The following EDEM1 variants were observed in gnomAD, a reference collection of about 807,000 sequenced individuals.
The protein encoded by EDEM1 is ER degradation enhancing alpha-mannosidase like protein 1, also known as ER degradation-enhancing alpha-mannosidase-like protein 1.
In EDEM1, 67 loss-of-function variants were observed where a neutral mutation model predicts 74.4. The observed-to-expected ratio is 0.90, with a 90% CI of 0.74 to 1.10. EDEM1 has a LOEUF of 1.10. EDEM1 is among the 50% of genes least tolerant of loss of function. EDEM1 has a pLI of 0.00. For synonymous variants in EDEM1, 382 were observed against 335.9 expected (o/e 1.14, Z -1.50); for missense variants, 926 against 851.6 (o/e 1.09, Z -1.09).
chr3:5,199,787 T>A, intron 3 of EDEM1, 92 bp downstream of exon 3: 1 of 1,032,622 alleles, frequency 9.7e-7, no homozygotes. Context: ...TGCCACATGA[T>A]CCAGGCAGGG....
chr3:5,210,323 T>G, intron 9 of EDEM1, 75 bp downstream of exon 9: 1 of 1,371,434 alleles, frequency 7.3e-7, no homozygotes, highest in Non-Finnish European at 1.0e-6. Context: ...GGAAATATCC[T>G]AGTTTGCATT....
At position 5,187,995 on chromosome 3, in the gene EDEM1, G is replaced by C. The variant is rs762255204; in HGVS notation, c.190G>C (p.Gly64Arg). Residue 64 changes from glycine (G) to arginine (R), a missense_variant, in exon 1 of 12, where the codon GGG becomes CGG. By Grantham distance (125) the Gly-to-Arg change is moderately radical. Coordinates refer to ENST00000256497, the MANE Select transcript of EDEM1 (RefSeq NM_014674.3). Reference protein sequence around the residue: ...SPTSGPVGRPGGVSGPSWLQP... With the variant: ...SPTSGPVGRPRGVSGPSWLQP... ...CACCTCGGGGCCCGTGGGCCGGCCT[G>C]GGGGGGTATCCGGGCCGTCGTGGCT... The C allele has an allele frequency of 1.5e-5, 23 of 1,514,598 alleles. No individual in the cohort carries two copies. In the East Asian group the frequency reaches 5.3e-4, roughly 35 times the overall value. 93.8% of individuals were successfully genotyped at this position (1,514,598 alleles called of 1,614,324 possible).
intron 1 of EDEM1, among the ~76,000 whole-genome samples, chr3:5,189,768 T>C (rs2054877742): frequency 6.6e-6 from 1 of 152,076 alleles, no homozygotes; most frequent in Non-Finnish European, 1.5e-5. Flanking sequence ...GCCCGGCTAA[T>C]TTTTTGTATT....
intron 1 of EDEM1, 43 bp downstream of exon 1, chr3:5,188,357 C>T (rs2054855378): frequency 1.5e-6 from 2 of 1,369,966 alleles, no homozygotes; most frequent in Non-Finnish European, 9.4e-7. Context: ...CCACGCGCTT[C>T]CTTCCGCCCT....
Position 5,187,952 on chromosome 3 carries a change from C to G in EDEM1, c.147C>G (p.Pro49=), listed in dbSNP as rs1196429621. The G allele has an allele frequency of 6.4e-7, 1 of 1,568,606 alleles. No individual in the cohort carries two copies. Among genetic ancestry groups the G allele is most frequent in the Admixed American group, 1.9e-5 (1 of 54,004 alleles). ...LSFGFQRLRS[P]DGPASPTSGP... ...TCGGCTTCCAGCGTCTGAGGAGCCC[C>G]GACGGCCCCGCGTCGCCCACCTCGG... The change falls in exon 1 of 12, where the codon CCC becomes CCG. Residue 49 remains proline (P), a synonymous_variant. Coordinates refer to ENST00000256497, the MANE Select transcript of EDEM1 (RefSeq NM_014674.3).
At chr3:5,210,500 A>G (rs2055155017) in intron 9 of EDEM1, among the ~76,000 whole-genome samples, 1 of 152,232 alleles carries the variant, frequency 6.6e-6, no homozygotes, top group African/African-American at 2.4e-5. Flanking sequence ...ATATAATAAC[A>G]TATACGCTAA....
At chr3:5,191,737 G>A (rs945961587) in intron 1 of EDEM1, among the ~76,000 whole-genome samples, 4 of 152,166 alleles carry the variant, frequency 2.6e-5, no homozygotes, top group African/African-American at 9.7e-5. Flanking sequence ...ATCAGGTAAG[G>A]AGTTAACATG....
chr3:5,211,056 TTCTTAA>T lies in EDEM1; in HGVS notation c.1584-63_1584-58del, dbSNP rs1170316054. The T allele has an allele frequency of 1.5e-5, 21 of 1,438,048 alleles. No homozygotes were observed. The African/African-American group carries it at 2.8e-4, about 19-fold the overall frequency. The allele number at this position is 1,438,048 out of a possible 1,614,324, so 89.1% of individuals were successfully genotyped here. A position where few individuals can be genotyped will look rare whatever the true frequency, so the allele number is the denominator to read the frequency against. On this transcript the variant is annotated intron_variant, in intron 9 of 11. Transcript: ENST00000256497. The stretch of plus-strand genomic sequence containing the variant: ...TATTCTGATAAGAGAATGTTTCTGC[TTCTTAA>T]GTGAATCAGCAGGTGGGAAGGAAGA...
rs140778954 is a variant in EDEM1 at position 5,187,814 on chromosome 3, G to C, written c.9G>C (p.Trp3Cys). The C allele has an allele frequency of 3.7e-4, 592 of 1,580,486 alleles. No homozygotes were observed. The highest frequency in any genetic ancestry group is 4.9e-4 in the Non-Finnish European group (574 of 1,164,986). Residue 3 changes from tryptophan (W) to cysteine (C), a missense_variant, in exon 1 of 12, where the codon TGG becomes TGC. Physicochemically the swap from Trp to Cys is radical, Grantham distance 215. Coordinates refer to ENST00000256497, the MANE Select transcript of EDEM1 (RefSeq NM_014674.3). ...GCGGCGCCCGCGCGACCATGCAATG[G>C]CGAGCGCTCGTCCTGGGGCTGGTGC... MQWRALVLGLVLL... is the reference protein window; with the variant it reads MQCRALVLGLVLL...
intron 10 of EDEM1, among the ~76,000 whole-genome samples, chr3:5,213,105 G>A (rs1206717288): frequency 6.6e-6 from 1 of 152,182 alleles, no homozygotes. Flanking sequence ...GGAGAGGCAG[G>A]TCTGGGCATC....
In EDEM1 at chr3:5,219,190, C is replaced by G. The variant is rs1273100869; in HGVS notation, c.*3272C>G. 6.6e-6 allele frequency: 1 copy of G among 151,650 alleles called. No homozygotes were observed. The highest frequency in any genetic ancestry group is 2.4e-5 in the African/African-American group (1 of 41,252). The allele number at this position is 151,650 out of a possible 1,614,324, so 9.4% of individuals were successfully genotyped here. On this transcript the variant is annotated 3_prime_UTR_variant, in exon 12 of 12. Transcript: ENST00000256497. ...GTAATTCCTCTTTGGATTGTGTAGA[C>G]TCAACATGAGACATTCCTTTCTGCT...
At chr3:5,211,284 C>A in intron 10 of EDEM1, 68 bp downstream of exon 10, 1 of 1,451,578 alleles carries the variant, frequency 6.9e-7, no homozygotes, top group Non-Finnish European at 9.6e-7. Flanking sequence ...GCATAGTCTT[C>A]CATCTGACAG....
chr3:5,211,270 A>T, intron 10 of EDEM1, 54 bp downstream of exon 10: 1 of 1,528,150 alleles, frequency 6.5e-7, no homozygotes, highest in East Asian at 2.3e-5. Flanking sequence ...TAGAGCAAGC[A>T]TTCGCATAGT....
chr3:5,203,207 A>C, intron 5 of EDEM1, 58 bp downstream of exon 5: 1 of 1,468,724 alleles, frequency 6.8e-7, no homozygotes, highest in Admixed American at 2.5e-5. Flanking sequence ...TTTTCCTTTC[A>C]TCTTCTCTGG....
At chr3:5,209,721 A>C (rs192552529) in intron 8 of EDEM1, among the ~76,000 whole-genome samples, 1 of 152,176 alleles carries the variant, frequency 6.6e-6, no homozygotes, top group African/African-American at 2.4e-5. Flanking sequence ...GCCTCCTTTC[A>C]TACTTCGGAA....
At chr3:5,214,839 A>G (rs2055211265) in intron 11 of EDEM1, among the ~76,000 whole-genome samples, 1 of 152,176 alleles carries the variant, frequency 6.6e-6, no homozygotes, top group Non-Finnish European at 1.5e-5. Flanking sequence ...TCAGGCCCTC[A>G]GAAGGGCTCC....
In EDEM1 at chr3:5,195,218, GA is replaced by G; in HGVS notation, c.521del (p.Asn174ThrfsTer6). ...GPDRGDPSNLNINDVLGNYSL... is the reference protein window; with the variant it reads ...GPDRGDPSNLXINDVLGNYSL... ...TAATTTTCTTTTTCAGTTCAAATCT[GA>G]ACATCAATGATGTACTAGGGAACTA... On this transcript the variant is annotated frameshift_variant, in exon 2 of 12. Transcript: ENST00000256497. LOFTEE classifies it high-confidence loss of function. 6.6e-7 allele frequency: 1 copy of G among 1,525,322 alleles called. No homozygotes were observed. The highest frequency in any genetic ancestry group is 8.8e-7 in the Non-Finnish European group (1 of 1,132,892). The allele number at this position is 1,525,322 out of a possible 1,614,324, so 94.5% of individuals were successfully genotyped here.
intron 1 of EDEM1, among the ~76,000 whole-genome samples, chr3:5,191,449 T>C (rs1226723440): frequency 6.6e-6 from 1 of 151,606 alleles, no homozygotes; most frequent in African/African-American, 2.4e-5. Context: ...CCCAGGATGG[T>C]CTCAAACCCC....
At position 5,213,475 on chromosome 3, in the gene EDEM1, C is replaced by T. The variant is rs200946341; in HGVS notation, c.1837C>T (p.His613Tyr). 241 of 1,613,934 alleles carry T rather than the reference C, an allele frequency of 1.5e-4. 1 individual carries two copies. Among genetic ancestry groups the T allele is most frequent in the Non-Finnish European group, 1.7e-4 (196 of 1,179,966 alleles). ...GGQDQGGKSV[H>Y]RPKPHELKVI... ...GCAGGACCAAGGGGGAAAGTCTGTG[C>T]ACAGGCCGAAACCTCATGAGTTAAA... Residue 613 changes from histidine to tyrosine, a missense_variant, in exon 11 of 12, where the codon CAC becomes TAC. Physicochemically the swap from His to Tyr is moderately conservative, Grantham distance 83. Transcript: ENST00000256497.
Sources: gnomAD v4.1 joint callset for allele counts (sites outside exome capture counted in the v4.1 genomes callset) on GRCh38, gnomAD v4.1.1 for gene constraint, MANE v1.5 for transcripts, NCBI Gene and HGNC (gene_info 2026-07-23, HGNC 2026-07-21) for gene names.